HPS5: variants seen among roughly 807,000 people sequenced by gnomAD.
The protein encoded by HPS5 is HPS5 biogenesis of lysosomal organelles complex 2 subunit 2, also known as BLOC-2 complex member HPS5.
HPS5 carries 83 observed loss-of-function variants against 128.0 expected under a neutral mutation model. The ratio of observed to expected loss-of-function variants is 0.65; its 90% CI spans 0.54 to 0.78. The LOEUF (loss-of-function observed/expected upper bound fraction) is 0.78, where lower values mean the gene tolerates loss of function less well. Among genes scored for constraint, HPS5 ranks in the 30% least tolerant of loss-of-function variants. The pLI, the probability that HPS5 is intolerant of heterozygous loss-of-function variation, is 0.00. For missense variants in HPS5, 1,281 were observed against 1,326.2 expected (o/e 0.97, Z 0.53); for synonymous variants, 475 against 470.2 (o/e 1.01, Z -0.13).
At position 18,295,131 on chromosome 11, in the gene HPS5, C is replaced by A. The variant is rs370396275; in HGVS notation, c.1673G>T (p.Gly558Val). 19 of 1,613,972 alleles carry A rather than the reference C, an allele frequency of 1.2e-5. No homozygotes were observed. The highest frequency in any genetic ancestry group is 1.5e-5 in the Non-Finnish European group (18 of 1,180,000). Residue 558 changes from glycine to valine, a missense_variant, in exon 14 of 23, where the codon GGC becomes GTC. Transcript: ENST00000349215. ...CAGATCAGGGCTCGTGTGAAGGGTG[C>A]CAATCTTCTCAGTAGTTTTACGCAC... is the stretch of plus-strand genomic sequence containing the variant. Reference protein sequence around the residue: ...SFVRKTTEKIGTLHTSPDLKV... With the variant: ...SFVRKTTEKIVTLHTSPDLKV...
chr11:18,321,162 T>C (rs1334568914), intron 1 of HPS5, among the ~76,000 whole-genome samples: 1 of 152,220 alleles, frequency 6.6e-6, no homozygotes, highest in Non-Finnish European at 1.5e-5. Context: ...AAAAAATATA[T>C]ACATAATATT....
intron 18 of HPS5, chr11:18,287,029 C>G: frequency 1.8e-6 from 1 of 544,934 alleles, no homozygotes; most frequent in African/African-American, 1.9e-5. Flanking sequence ...TATGATCATA[C>G]CCGTGAATAG....
chr11:18,308,546 G>A (rs185892041), intron 6 of HPS5, among the ~76,000 whole-genome samples: 3 of 152,290 alleles, frequency 2.0e-5, no homozygotes, highest in Admixed American at 2.0e-4. Context: ...CAGGGGCAGT[G>A]GTTCATGCCT....
chr11:18,320,400 T>C (rs571143140), intron 1 of HPS5, among the ~76,000 whole-genome samples: 85 of 152,248 alleles, frequency 5.6e-4, no homozygotes, highest in South Asian at 3.7e-3. Flanking sequence ...TCCCTGAACA[T>C]TTTCAGCCAT....
rs1863075228 is a variant in HPS5 at position 18,311,971 on chromosome 11, TC to T, written c.161del (p.Gly54GlufsTer39). On this transcript the variant is annotated frameshift_variant, in exon 3 of 23. Coordinates refer to ENST00000349215, the MANE Select transcript of HPS5 (RefSeq NM_181507.2). LOFTEE classifies it high-confidence loss of function. Reference protein sequence around the residue: ...RKWLALGSSGGGLHLIQKEGW... With the variant: ...RKWLALGSSGXGLHLIQKEGW... ...CTTCTTTCTGAATGAGATGGAGTCCTCCTCCTGAACTGCCCAAAGCCAACCA... is the reference window on the plus strand; with the variant it reads ...CTTCTTTCTGAATGAGATGGAGTCCTCTCCTGAACTGCCCAAAGCCAACCA... The T allele has an allele frequency of 6.2e-7, 1 of 1,614,140 alleles. No individual in the cohort carries two copies.
At chr11:18,311,643 T>C (rs901295209) in intron 3 of HPS5, 192 bp from the exon 4 acceptor site, 12 of 550,240 alleles carry the variant, frequency 2.2e-5, no homozygotes, top group Non-Finnish European at 3.2e-6. Flanking sequence ...CCCAAGTAGC[T>C]GGGATTACAG....
chr11:18,279,618 C>A lies in HPS5; in HGVS notation c.*264G>T. The A allele has an allele frequency of 1.9e-6, 1 of 514,096 alleles. No individual in the cohort carries two copies. The highest frequency in any genetic ancestry group is 3.5e-6 in the Non-Finnish European group (1 of 285,102). The allele number at this position is 514,096 out of a possible 1,614,324, so 31.8% of individuals were successfully genotyped here. On this transcript the variant is annotated 3_prime_UTR_variant, in exon 23 of 23. Coordinates refer to ENST00000349215, the MANE Select transcript of HPS5 (RefSeq NM_181507.2). The stretch of plus-strand genomic sequence containing the variant: ...ATACTAGGACATTAACATTCTAATT[C>A]CAGCAAACAAGGACTGACTCTTTTC...
chr11:18,289,193 A>G (rs1564935481), intron 16 of HPS5, among the ~76,000 whole-genome samples: 1 of 152,334 alleles, frequency 6.6e-6, no homozygotes. Context: ...TTTTTAAAAA[A>G]GTCATTTTTT....
Position 18,311,984 on chromosome 11 carries a change from C to T in HPS5, c.149G>A (p.Gly50Asp). The change falls in exon 3 of 23, where the codon GGC becomes GAC. Residue 50 changes from glycine (G) to aspartate (D), a missense_variant. Transcript: ENST00000349215. ...IAVSRKWLALGSSGGGLHLIQ... is the reference protein window; with the variant it reads ...IAVSRKWLALDSSGGGLHLIQ... ...GAGATGGAGTCCTCCTCCTGAACTG[C>T]CCAAAGCCAACCATTTCCGAGACAC... 6.2e-7 allele frequency: 1 copy of T among 1,614,068 alleles called. No homozygotes were observed. The highest frequency in any genetic ancestry group is 8.5e-7 in the Non-Finnish European group (1 of 1,179,968).
intron 16 of HPS5, 101 bp from the exon 17 acceptor site, chr11:18,288,114 G>T: frequency 7.9e-7 from 1 of 1,268,748 alleles, no homozygotes; most frequent in Non-Finnish European, 1.1e-6. Flanking sequence ...CGTACCTACT[G>T]TGTGGACCTA....
intron 22 of HPS5, 135 bp downstream of exon 22, chr11:18,281,815 A>C: frequency 1.0e-6 from 1 of 1,001,612 alleles, no homozygotes; most frequent in South Asian, 1.3e-5. Flanking sequence ...CTCTTCCCTT[A>C]ATTACCACAT....
chr11:18,292,556 C>T (rs1860543495), intron 15 of HPS5, among the ~76,000 whole-genome samples: 1 of 152,222 alleles, frequency 6.6e-6, no homozygotes, highest in Non-Finnish European at 1.5e-5. Context: ...AGGACCACTA[C>T]TGATGGACTC....
At position 18,312,000 on chromosome 11, in the gene HPS5, TC is replaced by T; in HGVS notation, c.132del (p.Lys45AsnfsTer48). On this transcript the variant is annotated frameshift_variant, in exon 3 of 23. Coordinates refer to ENST00000349215, the MANE Select transcript of HPS5 (RefSeq NM_181507.2). LOFTEE classifies it high-confidence loss of function. ...CCTGAACTGCCCAAAGCCAACCATT[TC>T]CGAGACACAGCTATGCTCGTGCACT... ...RLKCTSIAVS[R>X]KWLALGSSGG... 1 of 1,613,892 alleles carries T rather than the reference TC, an allele frequency of 6.2e-7. No individual in the cohort carries two copies. Among genetic ancestry groups the T allele is most frequent in the Non-Finnish European group, 8.5e-7 (1 of 1,179,832 alleles).
chr11:18,295,263 T>C, intron 13 of HPS5, 94 bp from the exon 14 acceptor site: 1 of 1,235,924 alleles, frequency 8.1e-7, no homozygotes, highest in Non-Finnish European at 1.1e-6. Flanking sequence ...TAATAAGTCC[T>C]AGGGAGGCAA....
At chr11:18,291,021 C>T (rs1489669029) in intron 16 of HPS5, among the ~76,000 whole-genome samples, 2 of 152,170 alleles carry the variant, frequency 1.3e-5, no homozygotes, top group Admixed American at 6.5e-5. Context: ...GCGTTTGAGA[C>T]CAGCTTGGCC....
chr11:18,299,475 A>T (rs887446090), intron 9 of HPS5, among the ~76,000 whole-genome samples: 1 of 152,254 alleles, frequency 6.6e-6, no homozygotes, highest in Non-Finnish European at 1.5e-5. Flanking sequence ...GTCACTGTTG[A>T]TGAGACCAGT....
At chr11:18,315,554 A>G (rs1422880953) in intron 2 of HPS5, among the ~76,000 whole-genome samples, 1 of 152,126 alleles carries the variant, frequency 6.6e-6, no homozygotes, top group African/African-American at 2.4e-5. Flanking sequence ...TGGAGGTTGC[A>G]GTAAGCCAAG....
At chr11:18,306,004 T>C (rs1862317858) in intron 7 of HPS5, 131 bp downstream of exon 7, 4 of 745,848 alleles carry the variant, frequency 5.4e-6, no homozygotes, top group African/African-American at 1.7e-5. Context: ...AGTGCTGGGA[T>C]TACAGGCGTG....
At chr11:18,292,841 C>A in intron 15 of HPS5, 58 bp downstream of exon 15, 2 of 1,226,974 alleles carry the variant, frequency 1.6e-6, no homozygotes, top group South Asian at 2.4e-5. Context: ...TATAATGATT[C>A]ACTTCGTTTA....
Sources: gnomAD v4.1 joint callset for allele counts (sites outside exome capture counted in the v4.1 genomes callset) on GRCh38, gnomAD v4.1.1 for gene constraint, MANE v1.5 for transcripts, NCBI Gene and HGNC (gene_info 2026-07-23, HGNC 2026-07-21) for gene names.